SEMA3D: variants seen among roughly 807,000 people sequenced by gnomAD.
SEMA3D encodes the protein semaphorin 3D.
SEMA3D carries 84 observed loss-of-function variants against 100.1 expected under a neutral mutation model. The observed-to-expected ratio is 0.84, with a 90% confidence interval of 0.70 to 1.01. The LOEUF (loss-of-function observed/expected upper bound fraction) is 1.01. Ranked by LOEUF, SEMA3D falls within the 50% of genes least tolerant of loss-of-function variation. The pLI, the probability that SEMA3D is intolerant of heterozygous loss-of-function variation, is 0.00. For missense variants in SEMA3D, 875 were observed against 934.1 expected (o/e 0.94, Z 0.82); for synonymous variants, 312 against 320.7 (o/e 0.97, Z 0.29).
chr7:85,198,050 C>T, the SEMA3D span, among the ~76,000 whole-genome samples: 6 of 152,250 alleles, frequency 3.9e-5, no homozygotes, highest in South Asian at 1.2e-3. Context: ...AAAGCCTTCT[C>T]ATTTATAGGA....
chr7:85,169,630 A>G (rs1317267698), intron 1 of SEMA3D, among the ~76,000 whole-genome samples: 1 of 151,872 alleles, frequency 6.6e-6, no homozygotes, highest in Non-Finnish European at 1.5e-5. Flanking sequence ...AAGGATAATC[A>G]TTTTAAGTCT....
Position 84,998,078 on chromosome 7 carries a change from A to G in SEMA3D, c.*1362T>C, listed in dbSNP as rs1324498842. 1 of 152,172 alleles carries G rather than the reference A, an allele frequency of 6.6e-6. No homozygotes were observed. The highest frequency in any genetic ancestry group is 1.5e-5 in the Non-Finnish European group (1 of 67,986). 9.4% of individuals were successfully genotyped at this position (152,172 alleles called of 1,614,324 possible). A position where few individuals can be genotyped will look rare whatever the true frequency, so the allele number is the denominator to read the frequency against. ...ACAATTACAACAGATTAACTCAGCA[A>G]TGAGAAAAGGTTGAGTGAAGATGTC... On this transcript the variant is annotated 3_prime_UTR_variant, in exon 19 of 19. Coordinates refer to ENST00000284136, the MANE Select transcript of SEMA3D (RefSeq NM_001384900.1).
At chr7:85,032,486 G>A (rs1325126024) in intron 12 of SEMA3D, among the ~76,000 whole-genome samples, 1 of 151,978 alleles carries the variant, frequency 6.6e-6, no homozygotes, top group African/African-American at 2.4e-5. Flanking sequence ...ATTTCAAAGA[G>A]AATACATAAG....
At position 85,022,391 on chromosome 7, in the gene SEMA3D, C is replaced by T; in HGVS notation, c.1414G>A (p.Asp472Asn). Residue 472 changes from aspartate (D) to asparagine (N), a missense_variant and splice_region_variant, in exon 13 of 19, where the codon GAC becomes AAC. Asp to Asn is a conservative substitution (Grantham distance 23). Transcript: ENST00000284136. ...GQYDVMFLGTDIGTVLKVVSI... is the reference protein window; with the variant it reads ...GQYDVMFLGTNIGTVLKVVSI... ...AAATCCTAATCTAGTTTTAGCTTAC[C>T]TGTTCCAAGAAACATTACATCGTAC... 1 of 1,605,916 alleles carries T rather than the reference C, an allele frequency of 6.2e-7. No homozygotes were observed. Among genetic ancestry groups the T allele is most frequent in the South Asian group, 1.1e-5 (1 of 90,816 alleles).
In SEMA3D at chr7:85,044,048, C is replaced by T. The variant is rs1189292872; in HGVS notation, c.862-1763G>A. Among the ~76,000 whole-genome samples the T allele has an allele frequency of 8.6e-5, 13 of 151,930 alleles. No homozygotes were observed. The South Asian group carries it at 2.7e-3, about 32-fold the overall frequency. ...TAAATTACTATTGAAGCCATCTTTTCCAATAATTTATTTATATTTAAGTAT... is the reference window on the plus strand; with the variant it reads ...TAAATTACTATTGAAGCCATCTTTTTCAATAATTTATTTATATTTAAGTAT... On this transcript the variant is annotated intron_variant, in intron 9 of 18. Coordinates refer to ENST00000284136, the MANE Select transcript of SEMA3D (RefSeq NM_001384900.1).
At chr7:85,078,618 T>C (rs935800799) in intron 5 of SEMA3D, among the ~76,000 whole-genome samples, 1 of 152,182 alleles carries the variant, frequency 6.6e-6, no homozygotes, top group African/African-American at 2.4e-5. Flanking sequence ...ACCAAATATC[T>C]TTCTGTCATC....
chr7:85,129,035 G>A (rs956973890), intron 2 of SEMA3D, among the ~76,000 whole-genome samples: 1 of 151,660 alleles, frequency 6.6e-6, no homozygotes, highest in Non-Finnish European at 1.5e-5. Flanking sequence ...GGGATTATAG[G>A]CATGTGCCAC....
the SEMA3D span, among the ~76,000 whole-genome samples, chr7:85,207,188 G>C: frequency 6.6e-6 from 1 of 152,028 alleles, no homozygotes; most frequent in Non-Finnish European, 1.5e-5. Flanking sequence ...TGGTTAATGT[G>C]ACATGTGACA....
At chr7:85,181,087 C>T (rs891294200) in intron 1 of SEMA3D, among the ~76,000 whole-genome samples, 1 of 152,128 alleles carries the variant, frequency 6.6e-6, no homozygotes, top group African/African-American at 2.4e-5. Context: ...CATAAACTAT[C>T]AACATGATTT....
chr7:85,052,009 CATT>C (rs1791179233), intron 9 of SEMA3D, among the ~76,000 whole-genome samples: 1 of 151,892 alleles, frequency 6.6e-6, no homozygotes, highest in African/African-American at 2.4e-5. Context: ...ATATTACCGT[CATT>C]ATAAGAGTGC....
intron 2 of SEMA3D, among the ~76,000 whole-genome samples, chr7:85,136,706 T>C (rs1392806247): frequency 1.3e-5 from 2 of 152,086 alleles, no homozygotes; most frequent in Non-Finnish European, 2.9e-5. Context: ...ACTGGGAAAA[T>C]ACATTTTTAT....
At chr7:85,115,518 G>A (rs555630202) in intron 3 of SEMA3D, among the ~76,000 whole-genome samples, 34 of 152,194 alleles carry the variant, frequency 2.2e-4, no homozygotes, top group South Asian at 1.2e-3. Flanking sequence ...TAAAGAAACC[G>A]GAGTTTCCCT....
chr7:85,088,839 C>A (rs1448212181), intron 4 of SEMA3D, among the ~76,000 whole-genome samples: 2 of 152,104 alleles, frequency 1.3e-5, no homozygotes, highest in Non-Finnish European at 1.5e-5. Flanking sequence ...CTAAAGTGGT[C>A]TTTTCCATGA....
At chr7:85,208,205 T>C in the SEMA3D span, among the ~76,000 whole-genome samples, 1 of 152,074 alleles carries the variant, frequency 6.6e-6, no homozygotes, top group Non-Finnish European at 1.5e-5. Context: ...TTAAAATATT[T>C]TGATATATAA....
the SEMA3D span, among the ~76,000 whole-genome samples, chr7:85,217,130 G>A: frequency 6.6e-6 from 1 of 151,938 alleles, no homozygotes; most frequent in Non-Finnish European, 1.5e-5. Context: ...TTATAGTTCT[G>A]TACACAACAT....
chr7:85,217,453 A>G, the SEMA3D span, among the ~76,000 whole-genome samples: 1 of 152,138 alleles, frequency 6.6e-6, no homozygotes, highest in Non-Finnish European at 1.5e-5. Flanking sequence ...ATGGGAGAGT[A>G]TAAACAAATA....
rs570500128 is a variant in SEMA3D at position 85,142,048 on chromosome 7, A to G, written c.-41+11560T>C. 6.6e-4 allele frequency: 531 copies of G among 805,648 alleles called. 5 individuals are homozygous for G. In the South Asian group the frequency reaches 0.027, roughly 40 times the overall value. 49.9% of individuals were successfully genotyped at this position (805,648 alleles called of 1,614,324 possible). A position where few individuals can be genotyped will look rare whatever the true frequency, so the allele number is the denominator to read the frequency against. On this transcript the variant is annotated intron_variant, in intron 2 of 18. Transcript: ENST00000284136. The stretch of plus-strand genomic sequence containing the variant: ...TAGCCAGCAAAATAGAAGGTAAGAG[A>G]AAAAAAAAAACCAAGTTTCTGTGAA...
chr7:85,176,793 T>TAGAGAGAG (rs71297126), intron 1 of SEMA3D, among the ~76,000 whole-genome samples: 1 of 149,974 alleles, frequency 6.7e-6, no homozygotes, highest in South Asian at 2.1e-4. Context: ...TATATATATA[T>TAGAGAGAG]AGAGAGAGAG....
At chr7:85,185,449 A>G (rs1791513271) in intron 1 of SEMA3D, among the ~76,000 whole-genome samples, 1 of 152,196 alleles carries the variant, frequency 6.6e-6, no homozygotes, top group South Asian at 2.1e-4. Flanking sequence ...TGCAAATAGC[A>G]CTAAGCTAAA....
Sources: gnomAD v4.1 joint callset for allele counts (sites outside exome capture counted in the v4.1 genomes callset) on GRCh38, gnomAD v4.1.1 for gene constraint, MANE v1.5 for transcripts, NCBI Gene and HGNC (gene_info 2026-07-23, HGNC 2026-07-21) for gene names.